PTPRS: variants seen among roughly 807,000 people sequenced by gnomAD.
PTPRS encodes receptor-type tyrosine-protein phosphatase S.
A neutral mutation model predicts 215.3 loss-of-function variants in PTPRS; 63 were observed. That is an observed-to-expected ratio of 0.29 (90% CI 0.24 to 0.36). The LOEUF is 0.36. Ranked by LOEUF, PTPRS falls within the 10% of genes least tolerant of loss-of-function variation. PTPRS has a pLI of 1.00. For missense variants in PTPRS, 2,258 were observed against 2,825.8 expected, an observed-to-expected ratio of 0.80 and a Z score of 4.56; for synonymous variants, 1,404 against 1,191.4, an observed-to-expected ratio of 1.18 and a Z score of -3.68.
chr19:5,275,904 T>C (rs974341499), intron 2 of PTPRS, among the ~76,000 whole-genome samples: 2 of 152,106 alleles, frequency 1.3e-5, no homozygotes, highest in Non-Finnish European at 2.9e-5. Flanking sequence ...CACCTTGGCC[T>C]CCCAAGTAGC....
At chr19:5,226,814 T>C (rs1480348028) in intron 16 of PTPRS, among the ~76,000 whole-genome samples, 1 of 152,152 alleles carries the variant, frequency 6.6e-6, no homozygotes, top group East Asian at 1.9e-4. Context: ...AGGCAATAAA[T>C]ACAGCAAATC....
chr19:5,338,738 C>A lies in PTPRS; in HGVS notation c.-95+1926G>T, dbSNP rs1057101474. ...CCCTGGGAGGGGGAGGGGACTTATG[C>A]AAATGGCAGATTCGACCAAGTCCCT... On this transcript the variant is annotated intron_variant, in intron 1 of 37. Transcript: ENST00000262963. The surrounding 1 kb of genome is among the most constrained non-coding windows in gnomAD (Gnocchi z 4.2). 6.6e-6 allele frequency among the ~76,000 whole-genome samples: 1 copy of A among 152,180 alleles called. No homozygotes were observed. The highest frequency in any genetic ancestry group is 1.5e-5 in the Non-Finnish European group (1 of 68,026).
At chr19:5,336,263 A>AG (rs113603019) in intron 1 of PTPRS, among the ~76,000 whole-genome samples, 7,417 of 56,390 alleles carry the variant, frequency 0.13, 354 homozygotes, top group Middle Eastern at 0.24. Flanking sequence ...TTAAAGGAAA[A>AG]GGGGGGGGGG....
chr19:5,297,791 C>CTTTTTTT (rs373472522), intron 1 of PTPRS, among the ~76,000 whole-genome samples: 2 of 131,370 alleles, frequency 1.5e-5, no homozygotes, highest in African/African-American at 5.6e-5. Flanking sequence ...CTTTTCTTTT[C>CTTTTTTT]TTTTTTTTTT....
intron 2 of PTPRS, 118 bp from the exon 3 acceptor site, chr19:5,274,462 A>C: frequency 8.2e-7 from 1 of 1,219,020 alleles, no homozygotes; most frequent in Non-Finnish European, 1.1e-6. Flanking sequence ...CATGTGGCCA[A>C]TGAAGAGAGG....
At chr19:5,317,062 C>T (rs2049896211) in intron 1 of PTPRS, among the ~76,000 whole-genome samples, 1 of 152,210 alleles carries the variant, frequency 6.6e-6, no homozygotes, top group Non-Finnish European at 1.5e-5. Context: ...GGTTTGTCAA[C>T]TCACACTTTG....
intron 17 of PTPRS, among the ~76,000 whole-genome samples, chr19:5,224,477 G>A (rs567641970): frequency 2.2e-4 from 34 of 152,252 alleles, no homozygotes; most frequent in Admixed American, 2.1e-3. Context: ...TCCAAAATCC[G>A]CCCCTGCTCT....
chr19:5,267,350 C>A (rs2046481041), intron 4 of PTPRS, among the ~76,000 whole-genome samples: 1 of 152,072 alleles, frequency 6.6e-6, no homozygotes, highest in Non-Finnish European at 1.5e-5. Context: ...TGCCTTGCAT[C>A]CAGGGTGCTC....
At position 5,244,382 on chromosome 19, in the gene PTPRS, G is replaced by A. The variant is rs541580568; in HGVS notation, c.1089C>T (p.Tyr363=). The A allele has an allele frequency of 2.0e-4, 324 of 1,614,158 alleles. 3 individuals carry two copies. The South Asian group carries it at 3.2e-3, about 16-fold the overall frequency. ...GGCTCTTGGATTTATATTCGATGAC[G>A]TAATAGGACACAGGATCTGGGTTGC... ...DSGNPDPVSY[Y]VIEYKSKSQD... is the part of the protein sequence containing the mutation. Residue 363 remains tyrosine, a synonymous_variant, in exon 11 of 38, where the codon TAC becomes TAT. Transcript: ENST00000262963. The surrounding 1 kb of genome is among the most constrained non-coding windows in gnomAD (Gnocchi z 7.2).
rs767934428 is a variant in PTPRS at position 5,208,051 on chromosome 19, G to A, written c.5649C>T (p.Gly1883=). 5.0e-6 allele frequency: 8 copies of A among 1,611,134 alleles called. No individual in the cohort carries two copies. Among genetic ancestry groups the A allele is most frequent in the South Asian group, 2.2e-5 (2 of 90,912 alleles). The change falls in exon 37 of 38, where the codon GGC becomes GGT. Residue 1883 remains glycine, a synonymous_variant. Coordinates refer to ENST00000262963, the MANE Select transcript of PTPRS (RefSeq NM_002850.4). ...DGPISVHCSA[G]VGRTGVFITL... ...TGATGAAGACGCCCGTCCTGCCCAC[G>A]CCGGCACTGGTGGCAGTAAAGTGAG...
chr19:5,285,558 C>T (rs550912517), intron 2 of PTPRS, among the ~76,000 whole-genome samples: 3 of 152,346 alleles, frequency 2.0e-5, no homozygotes, highest in South Asian at 2.1e-4. Flanking sequence ...CCCCTGGCTC[C>T]ACCTGAGACA....
In PTPRS at chr19:5,238,225, G is replaced by T. The variant is rs374872810; in HGVS notation, c.1849+694C>A. Among the ~76,000 whole-genome samples, 29 of 152,248 alleles carry T rather than the reference G, an allele frequency of 1.9e-4. No individual in the cohort carries two copies. The East Asian group carries it at 5.4e-3, about 28-fold the overall frequency. On this transcript the variant is annotated intron_variant, in intron 13 of 37. Coordinates refer to ENST00000262963, the MANE Select transcript of PTPRS (RefSeq NM_002850.4). The stretch of plus-strand genomic sequence containing the variant: ...GAGTTTAGAGAAGTCAGGGAGAGAG[G>T]GTGGCGGTGACCCACAGCCAACTGC...
intron 1 of PTPRS, among the ~76,000 whole-genome samples, chr19:5,329,252 G>C (rs2050251379): frequency 6.6e-6 from 1 of 151,976 alleles, no homozygotes; most frequent in Non-Finnish European, 1.5e-5. Context: ...GAGAGATGAG[G>C]CCAGCGGCCC....
intron 1 of PTPRS, among the ~76,000 whole-genome samples, chr19:5,313,666 G>T (rs1417598879): frequency 6.6e-6 from 1 of 152,142 alleles, no homozygotes; most frequent in Admixed American, 6.5e-5. Context: ...TGGTGTGGGC[G>T]CTTCTTAGAT....
At chr19:5,215,943 C>T (rs997190913) in intron 26 of PTPRS, among the ~76,000 whole-genome samples, 4 of 152,136 alleles carry the variant, frequency 2.6e-5, no homozygotes, top group Non-Finnish European at 5.9e-5. Flanking sequence ...TGTCAAGCTC[C>T]CAGTGCCTCG....
intron 1 of PTPRS, among the ~76,000 whole-genome samples, chr19:5,305,617 A>G (rs2147117851): frequency 6.6e-6 from 1 of 150,728 alleles, no homozygotes; most frequent in Non-Finnish European, 1.5e-5. Flanking sequence ...TAATCCCGGC[A>G]CTTTGGGAGG....
In PTPRS at chr19:5,295,168, C is replaced by T. The variant is rs771242470; in HGVS notation, c.-94-8934G>A. Among the ~76,000 whole-genome samples the T allele has an allele frequency of 3.3e-5, 5 of 152,188 alleles. No homozygotes were observed. Among genetic ancestry groups the T allele is most frequent in the South Asian group, 2.1e-4 (1 of 4,826 alleles). ...GTGTCAAGAAAGCACCCGTACCTCT[C>T]GGGCCGACAGTTTCCCCATCTGCCA... On this transcript the variant is annotated intron_variant, in intron 1 of 37. Transcript: ENST00000262963. The surrounding 1 kb of genome is among the most constrained non-coding windows in gnomAD (Gnocchi z 4.6).
intron 4 of PTPRS, among the ~76,000 whole-genome samples, chr19:5,267,461 A>G (rs994335753): frequency 2.0e-5 from 3 of 152,112 alleles, no homozygotes; most frequent in Non-Finnish European, 4.4e-5. Context: ...GTTCGAGACC[A>G]GCCTGGCCAA....
chr19:5,262,140 T>G (rs562089159), intron 6 of PTPRS, among the ~76,000 whole-genome samples: 6 of 151,994 alleles, frequency 3.9e-5, no homozygotes, highest in African/African-American at 1.4e-4. Context: ...CCGGGTGTGG[T>G]GGTGGGTGCC....
Sources: gnomAD v4.1 joint callset for allele counts (sites outside exome capture counted in the v4.1 genomes callset) on GRCh38, gnomAD v4.1.1 for gene constraint, Gnocchi (gnomAD v3.1) non-coding constraint, MANE v1.5 for transcripts, NCBI Gene and HGNC (gene_info 2026-07-23, HGNC 2026-07-21) for gene names.